Variants in VAV3 observed in about 807,000 individuals in gnomAD.
VAV3 encodes the protein vav guanine nucleotide exchange factor 3.
A neutral mutation model predicts 131.2 loss-of-function variants in VAV3; 94 were observed. The observed-to-expected ratio is 0.72, with a 90% CI of 0.61 to 0.85. The LOEUF is 0.85. Among genes scored for constraint, VAV3 ranks in the 40% least tolerant of loss-of-function variants. The pLI is 0.00. For missense variants in VAV3, 939 were observed against 1,002.7 expected, an observed-to-expected ratio of 0.94 and a Z score of 0.86; for synonymous variants, 349 against 342.0, an observed-to-expected ratio of 1.02 and a Z score of -0.22.
intron 1 of VAV3, among the ~76,000 whole-genome samples, chr1:107,900,791 T>C (rs1048223785): frequency 3.5e-5 from 3 of 85,166 alleles, no homozygotes; most frequent in African/African-American, 1.4e-4. Context: ...TTGTGGTCTC[T>C]GAACTTAACA....
intron 1 of VAV3, among the ~76,000 whole-genome samples, chr1:107,892,324 C>T (rs974221544): frequency 6.6e-6 from 1 of 152,084 alleles, no homozygotes; most frequent in African/African-American, 2.4e-5. Context: ...GACTGAGTGC[C>T]CATTACGTAC....
At chr1:107,757,765 T>C (rs1241989817) in intron 10 of VAV3, among the ~76,000 whole-genome samples, 1 of 152,220 alleles carries the variant, frequency 6.6e-6, no homozygotes, top group African/African-American at 2.4e-5. Context: ...CTGTCCATCC[T>C]AAATTTCTGC....
intron 2 of VAV3, among the ~76,000 whole-genome samples, chr1:107,860,024 G>A (rs1165406478): frequency 6.6e-6 from 1 of 152,146 alleles, no homozygotes; most frequent in East Asian, 1.9e-4. Flanking sequence ...GGGGACAAAT[G>A]TCATGATGCC....
intron 21 of VAV3, among the ~76,000 whole-genome samples, chr1:107,614,843 G>A (rs888666263): frequency 6.6e-6 from 1 of 152,072 alleles, no homozygotes; most frequent in African/African-American, 2.4e-5. Flanking sequence ...TATTCAAGAG[G>A]ATGTAAACAG....
At chr1:107,644,131 C>G (rs1380508221) in intron 19 of VAV3, among the ~76,000 whole-genome samples, 1 of 152,144 alleles carries the variant, frequency 6.6e-6, no homozygotes, top group African/African-American at 2.4e-5. Context: ...TAAGAGAACT[C>G]CTCTCAGTTA....
At chr1:107,757,191 GCAATTTGAATTCCAT>G in intron 11 of VAV3, 55 bp downstream of exon 11, 1 of 877,658 alleles carries the variant, frequency 1.1e-6, no homozygotes, top group Non-Finnish European at 1.8e-6. Flanking sequence ...GTGTGTGTAT[GCAATTTGAATTCCAT>G]TGTCTTTAGG....
intron 19 of VAV3, among the ~76,000 whole-genome samples, chr1:107,678,845 T>A (rs1044328457): frequency 6.6e-6 from 1 of 152,102 alleles, no homozygotes; most frequent in African/African-American, 2.4e-5. Flanking sequence ...TCTTTTTATA[T>A]GTTTATTAAA....
chr1:107,846,973 C>A (rs1309642440), intron 2 of VAV3, among the ~76,000 whole-genome samples: 2 of 152,068 alleles, frequency 1.3e-5, no homozygotes, highest in African/African-American at 4.8e-5. Flanking sequence ...AATATATAAT[C>A]TTCTCAGCAC....
rs114704098 is a variant in VAV3 at position 107,789,438 on chromosome 1, A to G, written c.322-9946T>C. Among the ~76,000 whole-genome samples the G allele has an allele frequency of 4.8e-3, 728 of 152,328 alleles. 4 individuals are homozygous for G. Among genetic ancestry groups the G allele is most frequent in the African/African-American group, 0.016 (662 of 41,580 alleles). Reference sequence around the variant, plus strand: ...TTTGTCCCAGCCTCAGGACTGCTCAAAGAAAATCATGAAGCATCTGTAAAC... The same window carrying G: ...TTTGTCCCAGCCTCAGGACTGCTCAGAGAAAATCATGAAGCATCTGTAAAC... On this transcript the variant is annotated intron_variant, in intron 2 of 26. Coordinates refer to ENST00000370056, the MANE Select transcript of VAV3 (RefSeq NM_006113.5).
At chr1:107,740,894 C>G (rs1263972486) in intron 15 of VAV3, among the ~76,000 whole-genome samples, 1 of 152,198 alleles carries the variant, frequency 6.6e-6, no homozygotes, top group Non-Finnish European at 1.5e-5. Flanking sequence ...AAGCCTAAAC[C>G]ATTTACTCTC....
chr1:107,927,800 C>T (rs1274469112), intron 1 of VAV3, among the ~76,000 whole-genome samples: 1 of 152,140 alleles, frequency 6.6e-6, no homozygotes, highest in Admixed American at 6.5e-5. Context: ...TTTTGGACTC[C>T]AGTCCCTGGC....
chr1:107,883,610 A>C (rs1670889302), intron 1 of VAV3, among the ~76,000 whole-genome samples: 1 of 152,116 alleles, frequency 6.6e-6, no homozygotes, highest in African/African-American at 2.4e-5. Context: ...ATATTTATAA[A>C]TAATATCAAT....
At chr1:107,751,246 G>A in intron 12 of VAV3, 44 bp from the exon 13 acceptor site, 1 of 1,478,026 alleles carries the variant, frequency 6.8e-7, no homozygotes. Flanking sequence ...ATAATCACAT[G>A]AAAATAAAAA....
chr1:107,632,982 T>C (rs1179018648), intron 20 of VAV3, among the ~76,000 whole-genome samples: 1 of 152,176 alleles, frequency 6.6e-6, no homozygotes, highest in African/African-American at 2.4e-5. Context: ...AAATGACAAC[T>C]AATAATGTCT....
intron 1 of VAV3, among the ~76,000 whole-genome samples, chr1:107,885,783 A>G (rs1470513024): frequency 6.6e-6 from 1 of 152,168 alleles, no homozygotes; most frequent in African/African-American, 2.4e-5. Context: ...GCAAGGTTCT[A>G]ACCCACACTG....
chr1:107,574,282 C>G, intron 25 of VAV3, 84 bp from the exon 26 acceptor site: 1 of 1,499,100 alleles, frequency 6.7e-7, no homozygotes, highest in Non-Finnish European at 9.0e-7. Flanking sequence ...GTTATTGATG[C>G]TATCAAATGC....
intron 2 of VAV3, among the ~76,000 whole-genome samples, chr1:107,852,421 T>C (rs1380628216): frequency 6.6e-6 from 1 of 152,166 alleles, no homozygotes; most frequent in Non-Finnish European, 1.5e-5. Context: ...ACCTCAAATC[T>C]AGCCACTGAA....
At chr1:107,896,596 C>T (rs375230120) in intron 1 of VAV3, among the ~76,000 whole-genome samples, 1 of 152,114 alleles carries the variant, frequency 6.6e-6, no homozygotes, top group African/African-American at 2.4e-5. Flanking sequence ...AACCTCCTGC[C>T]ACAATAAATC....
chr1:107,667,382 T>G (rs2101653905), intron 19 of VAV3, among the ~76,000 whole-genome samples: 1 of 152,298 alleles, frequency 6.6e-6, no homozygotes, highest in South Asian at 2.1e-4. Context: ...AACTAATTTT[T>G]TAACCACTTA....
Sources: allele counts gnomAD v4.1 joint callset (sites outside exome capture counted in the v4.1 genomes callset), GRCh38; gene constraint gnomAD v4.1.1; transcripts MANE v1.5; gene names NCBI Gene and HGNC (gene_info 2026-07-23, HGNC 2026-07-21).